MND1: variants seen among roughly 807,000 people sequenced by gnomAD.
MND1 encodes the protein meiotic nuclear division protein 1 homolog.
In MND1, 28 loss-of-function variants were observed where a neutral mutation model predicts 35.1. The ratio of observed to expected loss-of-function variants is 0.80; its 90% CI spans 0.59 to 1.09. The LOEUF (loss-of-function observed/expected upper bound fraction) is 1.09, where lower values mean the gene tolerates loss of function less well. MND1 is among the 50% of genes least tolerant of loss of function. MND1 has a pLI of 0.00. For missense variants in MND1, 213 were observed against 239.6 expected, an observed-to-expected ratio of 0.89 and a Z score of 0.73; for synonymous variants, 69 against 70.5, an observed-to-expected ratio of 0.98 and a Z score of 0.11.
At chr4:153,369,769 C>G (rs180722929) in intron 4 of MND1, among the ~76,000 whole-genome samples, 1 of 151,942 alleles carries the variant, frequency 6.6e-6, no homozygotes, top group Non-Finnish European at 1.5e-5. Flanking sequence ...ATTGATTTCA[C>G]AAAAGATTTC....
At chr4:153,390,153 G>T (rs1728980668) in intron 4 of MND1, among the ~76,000 whole-genome samples, 1 of 152,052 alleles carries the variant, frequency 6.6e-6, no homozygotes, top group South Asian at 2.1e-4. Context: ...CAAGGTGTAG[G>T]TTAGGAACTA....
intron 4 of MND1, among the ~76,000 whole-genome samples, chr4:153,372,670 A>G (rs186862365): frequency 6.6e-6 from 1 of 152,062 alleles, no homozygotes; most frequent in East Asian, 1.9e-4. Flanking sequence ...GCCACTATTC[A>G]TTAGTTTGTA....
intron 4 of MND1, among the ~76,000 whole-genome samples, chr4:153,391,166 A>T (rs530113194): frequency 7.6e-4 from 116 of 151,798 alleles, no homozygotes; most frequent in African/African-American, 2.7e-3. Flanking sequence ...TTCTTTTTTT[A>T]AATTTTTTTT....
chr4:153,345,567 C>T, intron 1 of MND1: 2 of 982,784 alleles, frequency 2.0e-6, no homozygotes, highest in Non-Finnish European at 2.4e-6. Context: ...CATAAACCTT[C>T]AAAGTTTCAT....
intron 6 of MND1, among the ~76,000 whole-genome samples, chr4:153,399,695 T>G (rs1729292000): frequency 6.6e-6 from 1 of 152,088 alleles, no homozygotes. Context: ...AATAACACAG[T>G]TGAGGAGGCG....
At chr4:153,352,273 G>A (rs960008110) in intron 2 of MND1, among the ~76,000 whole-genome samples, 3 of 152,144 alleles carry the variant, frequency 2.0e-5, no homozygotes, top group African/African-American at 4.8e-5. Context: ...ACATAGACAT[G>A]ATCATGTATG....
intron 2 of MND1, among the ~76,000 whole-genome samples, chr4:153,352,767 A>AC (rs1491036738): frequency 6.9e-6 from 1 of 145,962 alleles, no homozygotes; most frequent in Non-Finnish European, 1.5e-5. Context: ...AAAAAAAAAA[A>AC]ACACAACGAT....
At chr4:153,367,784 C>T (rs1244894341) in intron 4 of MND1, among the ~76,000 whole-genome samples, 3 of 152,146 alleles carry the variant, frequency 2.0e-5, no homozygotes, top group Admixed American at 6.5e-5. Context: ...AGAGCAACTG[C>T]GCCATTTTAT....
intron 4 of MND1, among the ~76,000 whole-genome samples, chr4:153,383,574 C>T (rs1728768713): frequency 1.3e-5 from 2 of 152,162 alleles, no homozygotes; most frequent in African/African-American, 4.8e-5. Flanking sequence ...GGATAAGGGA[C>T]AGGAAGCTGA....
chr4:153,394,406 C>G (rs1729144373), intron 5 of MND1, 70 bp downstream of exon 5: 2 of 1,233,168 alleles, frequency 1.6e-6, no homozygotes, highest in Non-Finnish European at 2.3e-6. Flanking sequence ...CACAGAGCTT[C>G]CTGTGAGGAG....
At chr4:153,384,462 TTTTTTTTTTTG>T in intron 4 of MND1, among the ~76,000 whole-genome samples, 1 of 135,734 alleles carries the variant, frequency 7.4e-6, no homozygotes, top group African/African-American at 2.8e-5. Context: ...TTTTTTTTTT[TTTTTTTTTTTG>T]TCAGAGATAG....
intron 6 of MND1, among the ~76,000 whole-genome samples, chr4:153,402,164 A>G (rs1729362378): frequency 6.6e-6 from 1 of 152,168 alleles, no homozygotes; most frequent in African/African-American, 2.4e-5. Flanking sequence ...AACAACAACA[A>G]CAAACATTAA....
chr4:153,381,113 A>G (rs990915001), intron 4 of MND1, among the ~76,000 whole-genome samples: 2 of 152,046 alleles, frequency 1.3e-5, no homozygotes. Flanking sequence ...GTTAGCCAGG[A>G]TGGTTTCGAT....
chr4:153,352,328 T>C (rs922850068), intron 2 of MND1, among the ~76,000 whole-genome samples: 1 of 152,284 alleles, frequency 6.6e-6, no homozygotes, highest in Non-Finnish European at 1.5e-5. Flanking sequence ...TTGGAGCTGC[T>C]AATGTAATAA....
chr4:153,362,556 C>G (rs1222357030), intron 4 of MND1, among the ~76,000 whole-genome samples: 1 of 152,158 alleles, frequency 6.6e-6, no homozygotes, highest in Non-Finnish European at 1.5e-5. Flanking sequence ...AATTAAACCT[C>G]TTTTCTTTAT....
At chr4:153,364,752 C>T (rs1462237911) in intron 4 of MND1, among the ~76,000 whole-genome samples, 1 of 152,118 alleles carries the variant, frequency 6.6e-6, no homozygotes, top group Non-Finnish European at 1.5e-5. Flanking sequence ...CACCCTGTTG[C>T]CCAGGCTGAA....
chr4:153,395,578 T>C (rs1352388939), intron 5 of MND1, among the ~76,000 whole-genome samples: 2 of 152,228 alleles, frequency 1.3e-5, no homozygotes, highest in Non-Finnish European at 2.9e-5. Flanking sequence ...GTGATCCTGC[T>C]GCTGGTAAAG....
chr4:153,357,264 A>ATTATTCTCT (rs2149632614), intron 3 of MND1, among the ~76,000 whole-genome samples: 1 of 152,314 alleles, frequency 6.6e-6, no homozygotes, highest in South Asian at 2.1e-4. Context: ...ACACCACACA[A>ATTATTCTCT]TTATTCTCTT....
Position 153,380,870 on chromosome 4 carries a change from A to T in MND1, c.277-13392A>T, listed in dbSNP as rs537493217. Among the ~76,000 whole-genome samples the T allele has an allele frequency of 7.2e-5, 11 of 152,110 alleles. No individual in the cohort carries two copies. The East Asian group carries it at 2.1e-3, about 29-fold the overall frequency. ...GTATAATATTACAACTCTGAAGCTT[A>T]TATGAATTTGTGTGGTATAACTTAA... is the stretch of plus-strand genomic sequence containing the variant. On this transcript the variant is annotated intron_variant, in intron 4 of 7. Transcript: ENST00000240488.
Sources: allele counts gnomAD v4.1 joint callset (sites outside exome capture counted in the v4.1 genomes callset), GRCh38; gene constraint gnomAD v4.1.1; transcripts MANE v1.5; gene names NCBI Gene and HGNC (gene_info 2026-07-23, HGNC 2026-07-21).